KATNAL1: variants seen among roughly 807,000 people sequenced by gnomAD.
The protein encoded by KATNAL1 is katanin catalytic subunit A1 like 1.
In KATNAL1, 32 loss-of-function variants were observed where a neutral mutation model predicts 55.2. The observed-to-expected ratio is 0.58, with a 90% confidence interval of 0.44 to 0.78. The LOEUF (loss-of-function observed/expected upper bound fraction) is 0.78. Among genes scored for constraint, KATNAL1 ranks in the 30% least tolerant of loss-of-function variants. The pLI, the probability that KATNAL1 is intolerant of heterozygous loss-of-function variation, is 0.00. For synonymous variants in KATNAL1, 193 were observed against 193.6 expected (o/e 1.00, Z 0.02); for missense variants, 466 against 600.9 (o/e 0.78, Z 2.35).
chr13:30,207,702 GGT>G lies in KATNAL1; in HGVS notation c.*836_*837del, dbSNP rs1220969882. 6.6e-6 allele frequency: 1 copy of G among 152,198 alleles called. No individual in the cohort carries two copies. The highest frequency in any genetic ancestry group is 2.4e-5 in the African/African-American group (1 of 41,414). The allele number at this position is 152,198 out of a possible 1,614,324, so 9.4% of individuals were successfully genotyped here. ...GAATTGCTTGAATCTAGGAGGCAGA[GGT>G]TGCAGTGAGCCAAGATCAACCACTG... On this transcript the variant is annotated 3_prime_UTR_variant, in exon 11 of 11. Transcript: ENST00000380615.
At chr13:30,290,707 C>CA (rs916810292) in intron 1 of KATNAL1, among the ~76,000 whole-genome samples, 2 of 152,056 alleles carry the variant, frequency 1.3e-5, no homozygotes, top group Non-Finnish European at 2.9e-5. Context: ...TTTAGCTAAT[C>CA]AAATCCAGCA....
chr13:30,284,531 G>A (rs1039487173), intron 1 of KATNAL1, among the ~76,000 whole-genome samples: 4 of 151,992 alleles, frequency 2.6e-5, no homozygotes, highest in African/African-American at 9.7e-5. Context: ...TTGGCCCCAA[G>A]AATAAAAAGT....
intron 1 of KATNAL1, among the ~76,000 whole-genome samples, chr13:30,306,220 A>G (rs1408897381): frequency 6.6e-6 from 1 of 152,220 alleles, no homozygotes; most frequent in Non-Finnish European, 1.5e-5. Context: ...CAAGTCTTTG[A>G]GTCAACTCTA....
chr13:30,282,056 T>A (rs1395718088), intron 2 of KATNAL1, among the ~76,000 whole-genome samples: 1 of 152,116 alleles, frequency 6.6e-6, no homozygotes, highest in Non-Finnish European at 1.5e-5. Flanking sequence ...AAATTCTTTT[T>A]TAAAAGTTAC....
intron 3 of KATNAL1, among the ~76,000 whole-genome samples, chr13:30,267,875 G>A (rs1480347774): frequency 6.6e-6 from 1 of 152,210 alleles, no homozygotes; most frequent in African/African-American, 2.4e-5. Flanking sequence ...ATTGACACAA[G>A]TGAGATCTGA....
At chr13:30,236,908 C>T (rs1232724770) in intron 6 of KATNAL1, among the ~76,000 whole-genome samples, 2 of 152,208 alleles carry the variant, frequency 1.3e-5, no homozygotes, top group Non-Finnish European at 2.9e-5. Context: ...AGCCTTTCTT[C>T]ATCACATCTG....
chr13:30,297,602 C>A (rs1882598624), intron 1 of KATNAL1, among the ~76,000 whole-genome samples: 1 of 152,136 alleles, frequency 6.6e-6, no homozygotes, highest in African/African-American at 2.4e-5. Flanking sequence ...ATAGCAAAGC[C>A]ATGGAATCAA....
chr13:30,208,276 C>A lies in KATNAL1; in HGVS notation c.*264G>T. On this transcript the variant is annotated 3_prime_UTR_variant, in exon 11 of 11. Coordinates refer to ENST00000380615, the MANE Select transcript of KATNAL1 (RefSeq NM_032116.5). ...TATCACACTGCGCCCTTGCTTCAGCCTCCCTGATAGACTGGTTTGGGTGTG... is the reference window on the plus strand; with the variant it reads ...TATCACACTGCGCCCTTGCTTCAGCATCCCTGATAGACTGGTTTGGGTGTG... The A allele has an allele frequency of 3.0e-6, 1 of 330,296 alleles. No individual in the cohort carries two copies. The highest frequency in any genetic ancestry group is 7.2e-5 in the South Asian group (1 of 13,934). 20.5% of individuals were successfully genotyped at this position (330,296 alleles called of 1,614,324 possible). A position where few individuals can be genotyped will look rare whatever the true frequency, so the allele number is the denominator to read the frequency against.
chr13:30,307,375 G>T lies in KATNAL1; in HGVS notation c.-59C>A. The T allele has an allele frequency of 6.5e-6, 1 of 154,932 alleles. No individual in the cohort carries two copies. The highest frequency in any genetic ancestry group is 1.4e-5 in the Non-Finnish European group (1 of 70,080). 9.6% of individuals were successfully genotyped at this position (154,932 alleles called of 1,614,324 possible). ...GCACATTCAGCGATGCGGTCCAGAT[G>T]GGGTGCGGGTGGGGCGCAGGCCGCC... On this transcript the variant is annotated 5_prime_UTR_variant, in exon 1 of 11. Coordinates refer to ENST00000380615, the MANE Select transcript of KATNAL1 (RefSeq NM_032116.5).
intron 3 of KATNAL1, among the ~76,000 whole-genome samples, chr13:30,275,465 G>A (rs1325908122): frequency 6.6e-6 from 1 of 151,952 alleles, no homozygotes. Flanking sequence ...GGGATTAATG[G>A]GACAAACATC....
intron 3 of KATNAL1, among the ~76,000 whole-genome samples, chr13:30,270,462 G>A (rs1239064494): frequency 6.6e-6 from 1 of 152,108 alleles, no homozygotes; most frequent in Non-Finnish European, 1.5e-5. Flanking sequence ...TGACAATGGC[G>A]GTTTTGTGGA....
chr13:30,224,057 A>G (rs1875189838), intron 9 of KATNAL1, among the ~76,000 whole-genome samples: 1 of 152,138 alleles, frequency 6.6e-6, no homozygotes, highest in African/African-American at 2.4e-5. Context: ...TCTAGAAAAC[A>G]CCCCAATTAT....
At chr13:30,274,952 C>CACACACAG (rs1555265663) in intron 3 of KATNAL1, among the ~76,000 whole-genome samples, 27 of 144,590 alleles carry the variant, frequency 1.9e-4, no homozygotes, top group African/African-American at 6.9e-4. Context: ...CACACACACA[C>CACACACAG]AGGAATATTA....
intron 3 of KATNAL1, among the ~76,000 whole-genome samples, chr13:30,262,929 C>T (rs1251994514): frequency 4.6e-5 from 7 of 152,252 alleles, no homozygotes; most frequent in Middle Eastern, 3.4e-3. Flanking sequence ...AAGAGAATTT[C>T]AGACCAATAT....
At chr13:30,218,302 G>A (rs1874512885) in intron 9 of KATNAL1, among the ~76,000 whole-genome samples, 1 of 151,656 alleles carries the variant, frequency 6.6e-6, no homozygotes, top group African/African-American at 2.4e-5. Flanking sequence ...TTGGTGTTTA[G>A]GAGGTCAGCC....
chr13:30,294,707 T>C (rs1346711253), intron 1 of KATNAL1, among the ~76,000 whole-genome samples: 1 of 152,188 alleles, frequency 6.6e-6, no homozygotes. Flanking sequence ...GAAAAATATT[T>C]CATCTAAGAC....
At position 30,253,968 on chromosome 13, in the gene KATNAL1, G is replaced by C. The variant is rs76111554; in HGVS notation, c.492+1479C>G. On this transcript the variant is annotated intron_variant, in intron 4 of 10. Transcript: ENST00000380615. ...ACAGTTTCTTCATCTGTAAAGTCGG[G>C]ATAGTAAGACACCTACTTCACGGGA... Among the ~76,000 whole-genome samples the C allele has an allele frequency of 9.4e-4, 143 of 152,304 alleles. No individual in the cohort carries two copies. The East Asian group carries it at 0.019, about 21-fold the overall frequency.
At chr13:30,261,083 T>G (rs576545510) in intron 3 of KATNAL1, among the ~76,000 whole-genome samples, 3,030 of 151,452 alleles carry the variant, frequency 0.02, 87 homozygotes, top group African/African-American at 0.069. Context: ...TTAAAGAAAA[T>G]AATTTTCAAC....
intron 8 of KATNAL1, among the ~76,000 whole-genome samples, chr13:30,230,053 G>A (rs986234890): frequency 3.4e-5 from 5 of 148,672 alleles, no homozygotes; most frequent in South Asian, 2.1e-4. Context: ...GATACCCTAC[G>A]TCTTACAGCC....
Sources: gnomAD v4.1 joint callset for allele counts (sites outside exome capture counted in the v4.1 genomes callset) on GRCh38, gnomAD v4.1.1 for gene constraint, MANE v1.5 for transcripts, NCBI Gene and HGNC (gene_info 2026-07-23, HGNC 2026-07-21) for gene names.